Variants in KANK1 observed in about 807,000 individuals in gnomAD.
KANK1 encodes KN motif and ankyrin repeat domains 1.
In KANK1, 109 loss-of-function variants were observed where a neutral mutation model predicts 106.2. The ratio of observed to expected loss-of-function variants is 1.03; its 90% CI spans 0.88 to 1.20. The LOEUF is 1.20. Ranked by LOEUF, KANK1 falls within the 50% of genes most tolerant of loss-of-function variation. The pLI is 0.00. For missense variants in KANK1, 2,399 were observed against 1,710.7 expected (o/e 1.40, Z -7.10); for synonymous variants, 873 against 652.2 (o/e 1.34, Z -5.16).
chr9:513,191 A>G (rs527643394), intron 1 of KANK1, among the ~76,000 whole-genome samples: 1 of 152,340 alleles, frequency 6.6e-6, no homozygotes, highest in East Asian at 1.9e-4. Context: ...TTAAACTCAG[A>G]TACCTGTTTG....
chr9:523,363 A>G (rs181353376), intron 1 of KANK1, among the ~76,000 whole-genome samples: 73 of 151,796 alleles, frequency 4.8e-4, no homozygotes, highest in Non-Finnish European at 7.4e-5. Flanking sequence ...TATATGTAGA[A>G]TCTGCATCGT....
chr9:528,666 T>TTAGTAGAGACCTGGTTTCACCA lies in KANK1; in HGVS notation c.-84+23914_-84+23935dup, dbSNP rs1425204379. ...CCATGCCCAGCTAATTTTTGTATTTTTAGTAGAGACCTGGTTTCACCATGT... is the reference window on the plus strand; with the variant it reads ...CCATGCCCAGCTAATTTTTGTATTTTTAGTAGAGACCTGGTTTCACCATAGTAGAGACCTGGTTTCACCATGT... On this transcript the variant is annotated intron_variant, in intron 1 of 11. Transcript: ENST00000382297. 6.6e-5 allele frequency among the ~76,000 whole-genome samples: 10 copies of TTAGTAGAGACCTGGTTTCACCA among 151,998 alleles called. No individual in the cohort carries two copies. In the East Asian group the frequency reaches 1.7e-3, roughly 26 times the overall value.
At chr9:682,794 C>T (rs1817829852) in intron 2 of KANK1, among the ~76,000 whole-genome samples, 1 of 152,166 alleles carries the variant, frequency 6.6e-6, no homozygotes, top group Non-Finnish European at 1.5e-5. Context: ...TTGGCTCCAG[C>T]TTTTGTCTCT....
intron 1 of KANK1, among the ~76,000 whole-genome samples, chr9:619,343 G>A (rs1179950938): frequency 6.6e-6 from 1 of 152,184 alleles, no homozygotes; most frequent in Non-Finnish European, 1.5e-5. Flanking sequence ...AGAGAACAAA[G>A]CAGTATTAAA....
intron 1 of KANK1, among the ~76,000 whole-genome samples, chr9:636,079 G>A (rs1837065713): frequency 2.0e-5 from 3 of 152,070 alleles, no homozygotes; most frequent in Non-Finnish European, 4.4e-5. Context: ...CAAATAAATG[G>A]TTGTACATCA....
At chr9:668,794 C>T (rs1845251246) in intron 1 of KANK1, among the ~76,000 whole-genome samples, 1 of 152,236 alleles carries the variant, frequency 6.6e-6, no homozygotes, top group East Asian at 1.9e-4. Context: ...TTCCATAGAT[C>T]AGGCAGTGGG....
At chr9:532,057 C>A (rs929631509) in intron 1 of KANK1, among the ~76,000 whole-genome samples, 1 of 152,066 alleles carries the variant, frequency 6.6e-6, no homozygotes, top group South Asian at 2.1e-4. Context: ...AACACAGAGG[C>A]GTTATAGACT....
At chr9:510,725 A>T (rs1411028426) in intron 1 of KANK1, among the ~76,000 whole-genome samples, 1 of 152,216 alleles carries the variant, frequency 6.6e-6, no homozygotes, top group East Asian at 1.9e-4. Context: ...GGCCGAAAAA[A>T]GTACTTGGAG....
intron 7 of KANK1, 147 bp downstream of exon 7, chr9:734,982 A>G: frequency 1.6e-6 from 1 of 637,824 alleles, no homozygotes; most frequent in East Asian, 2.7e-5. Context: ...GGTAAACATC[A>G]TGTGGTCTTG....
chr9:660,283 T>C (rs754904706), intron 1 of KANK1: 43 of 234,918 alleles, frequency 1.8e-4, no homozygotes, highest in Non-Finnish European at 8.4e-5. Context: ...CTCTTAGAGA[T>C]TGGAATGGCT....
intron 3 of KANK1, among the ~76,000 whole-genome samples, chr9:490,140 G>A (rs987230378): frequency 5.3e-5 from 8 of 152,170 alleles, no homozygotes; most frequent in Non-Finnish European, 1.2e-4. Flanking sequence ...TGACTTCTAA[G>A]TTAAAGGCAT....
At chr9:562,420 G>C (rs1266751084) in intron 1 of KANK1, among the ~76,000 whole-genome samples, 4 of 152,178 alleles carry the variant, frequency 2.6e-5, no homozygotes, top group Non-Finnish European at 5.9e-5. Context: ...GATGGGAACG[G>C]ACAAAAAGCT....
At chr9:474,000 A>T (rs1454945014) in intron 3 of KANK1, among the ~76,000 whole-genome samples, 1 of 152,152 alleles carries the variant, frequency 6.6e-6, no homozygotes, top group Non-Finnish European at 1.5e-5. Context: ...GCCAGCCAAG[A>T]ATTAATTTCA....
intron 1 of KANK1, among the ~76,000 whole-genome samples, chr9:546,759 A>T (rs1329836079): frequency 6.6e-6 from 1 of 150,770 alleles, no homozygotes; most frequent in Non-Finnish European, 1.5e-5. Context: ...GTATTTTAAT[A>T]GTATCTGTCA....
At chr9:513,536 A>G (rs2059126029) in intron 1 of KANK1, among the ~76,000 whole-genome samples, 1 of 152,234 alleles carries the variant, frequency 6.6e-6, no homozygotes, top group South Asian at 2.1e-4. Context: ...GAAACATATA[A>G]GAACCTCTAG....
chr9:700,540 C>T (rs1822408456), intron 2 of KANK1, among the ~76,000 whole-genome samples: 1 of 152,316 alleles, frequency 6.6e-6, no homozygotes, highest in East Asian at 1.9e-4. Flanking sequence ...GTTCATCCTA[C>T]TGGTTTGCTT....
At chr9:603,205 C>T (rs1828217506) in intron 1 of KANK1, among the ~76,000 whole-genome samples, 1 of 151,888 alleles carries the variant, frequency 6.6e-6, no homozygotes. Flanking sequence ...CTACTCATCC[C>T]ATCCCTGGGG....
At chr9:707,065 G>A (rs1824447228) in intron 2 of KANK1, 1 of 985,336 alleles carries the variant, frequency 1.0e-6, no homozygotes, top group African/African-American at 1.7e-5. Flanking sequence ...TGCAGCCGGA[G>A]GGAGACCTCG....
At chr9:695,665 G>C (rs1317595409) in intron 2 of KANK1, among the ~76,000 whole-genome samples, 1 of 152,084 alleles carries the variant, frequency 6.6e-6, no homozygotes, top group Non-Finnish European at 1.5e-5. Flanking sequence ...TGGGGGGCCA[G>C]GGTTGTGTTC....
Sources: gnomAD v4.1 joint callset for allele counts (sites outside exome capture counted in the v4.1 genomes callset) on GRCh38, gnomAD v4.1.1 for gene constraint, MANE v1.5 for transcripts, NCBI Gene and HGNC (gene_info 2026-07-23, HGNC 2026-07-21) for gene names.